SIK2: variants seen among roughly 807,000 people sequenced by gnomAD.
SIK2 encodes serine/threonine-protein kinase SIK2.
SIK2 carries 29 observed loss-of-function variants against 103.2 expected under a neutral mutation model. That is an observed-to-expected ratio of 0.28 (90% CI 0.21 to 0.38). The LOEUF is 0.38. Ranked by LOEUF, SIK2 falls within the 10% of genes least tolerant of loss-of-function variation. The pLI, the probability that SIK2 is intolerant of heterozygous loss-of-function variation, is 1.00. For missense variants in SIK2, 879 were observed against 1,171.0 expected, an observed-to-expected ratio of 0.75 and a Z score of 3.64; for synonymous variants, 412 against 446.1, an observed-to-expected ratio of 0.92 and a Z score of 0.96.
At chr11:111,711,338 G>T (rs1041517393) in intron 8 of SIK2, among the ~76,000 whole-genome samples, 1 of 152,068 alleles carries the variant, frequency 6.6e-6, no homozygotes, top group South Asian at 2.1e-4. Flanking sequence ...AGCCAGGATG[G>T]TCTCGATCTC....
At chr11:111,608,649 T>C (rs1468948692) in intron 1 of SIK2, among the ~76,000 whole-genome samples, 3 of 152,242 alleles carry the variant, frequency 2.0e-5, no homozygotes, top group Non-Finnish European at 4.4e-5. Context: ...TTAAATAGTA[T>C]TTGTGCATTT....
At position 111,700,561 on chromosome 11, in the gene SIK2, C is replaced by G. The variant is rs192540116; in HGVS notation, c.479-325C>G. ...TAGCAGTCATCAGGTAATTGAAATT[C>G]TAAGATTATCAAATACTAGTTGGGT... On this transcript the variant is annotated intron_variant, in intron 4 of 14. Transcript: ENST00000304987. Among the ~76,000 whole-genome samples, 13 of 152,302 alleles carry G rather than the reference C, an allele frequency of 8.5e-5. No homozygotes were observed. In the East Asian group the frequency reaches 1.9e-3, roughly 23 times the overall value.
intron 4 of SIK2, among the ~76,000 whole-genome samples, chr11:111,699,493 C>T (rs1240855272): frequency 6.6e-6 from 1 of 152,132 alleles, no homozygotes; most frequent in African/African-American, 2.4e-5. Context: ...TGGATTATCA[C>T]TACATTTATA....
chr11:111,645,773 CCATTGCGCCCTAG>C (rs1234189272), intron 3 of SIK2, among the ~76,000 whole-genome samples: 1 of 151,648 alleles, frequency 6.6e-6, no homozygotes, highest in Non-Finnish European at 1.5e-5. Flanking sequence ...CGAGATGATG[CCATTGCGCCCTAG>C]CCTGGGCAAC....
intron 3 of SIK2, among the ~76,000 whole-genome samples, chr11:111,662,111 G>A (rs182128154): frequency 2.0e-5 from 3 of 152,258 alleles, no homozygotes; most frequent in African/African-American, 4.8e-5. Context: ...CTTGAGCAGA[G>A]GAATGACATT....
intron 3 of SIK2, among the ~76,000 whole-genome samples, chr11:111,668,908 G>C (rs1942585696): frequency 6.6e-6 from 1 of 152,170 alleles, no homozygotes; most frequent in African/African-American, 2.4e-5. Flanking sequence ...TTGATGGATT[G>C]GATGTGGAGA....
At chr11:111,692,343 T>G (rs1189959423) in intron 4 of SIK2, among the ~76,000 whole-genome samples, 4 of 70,354 alleles carry the variant, frequency 5.7e-5, no homozygotes, top group African/African-American at 2.3e-4. Flanking sequence ...AGAGCGAGAC[T>G]CAGTCTCAAA....
chr11:111,622,325 AGCTCACTGCAAGCTCC>A (rs1941899755), intron 3 of SIK2, among the ~76,000 whole-genome samples: 1 of 126,376 alleles, frequency 7.9e-6, no homozygotes, highest in South Asian at 2.4e-4. Flanking sequence ...GCACGATCTC[AGCTCACTGCAAGCTCC>A]GCCTCCCAGG....
intron 1 of SIK2, among the ~76,000 whole-genome samples, chr11:111,612,593 A>G (rs765103542): frequency 6.6e-6 from 1 of 152,168 alleles, no homozygotes; most frequent in Non-Finnish European, 1.5e-5. Flanking sequence ...GCCCTGGCCC[A>G]TAAAATCACC....
chr11:111,610,261 G>A (rs907109787), intron 1 of SIK2, among the ~76,000 whole-genome samples: 4 of 152,200 alleles, frequency 2.6e-5, no homozygotes, highest in Admixed American at 2.0e-4. Flanking sequence ...GGGCCGAGGC[G>A]GGTGGATTGC....
chr11:111,708,587 G>A (rs1004917055), intron 8 of SIK2, among the ~76,000 whole-genome samples: 2 of 151,592 alleles, frequency 1.3e-5, no homozygotes, highest in Non-Finnish European at 2.9e-5. Flanking sequence ...TGGGGTTTTG[G>A]GGGAGGTTTT....
intron 3 of SIK2, among the ~76,000 whole-genome samples, chr11:111,655,153 G>C (rs1284741536): frequency 6.6e-6 from 1 of 152,210 alleles, no homozygotes; most frequent in African/African-American, 2.4e-5. Flanking sequence ...TGTGATCCCA[G>C]CACTTTGGGA....
At position 111,687,942 on chromosome 11, in the gene SIK2, A is replaced by G. The variant is rs923919148; in HGVS notation, c.317-59A>G. The G allele has an allele frequency of 1.9e-6, 3 of 1,584,674 alleles. No homozygotes were observed. In the African/African-American group the frequency reaches 4.1e-5, roughly 22 times the overall value. ...TTTTGAGGAAAAAAATTTCCTGACTACTAATAGTGGAGTTATTTTATTTTG... is the reference window on the plus strand; with the variant it reads ...TTTTGAGGAAAAAAATTTCCTGACTGCTAATAGTGGAGTTATTTTATTTTG... On this transcript the variant is annotated intron_variant, in intron 3 of 14. Coordinates refer to ENST00000304987, the MANE Select transcript of SIK2 (RefSeq NM_015191.3).
intron 3 of SIK2, among the ~76,000 whole-genome samples, chr11:111,675,762 A>G (rs902342470): frequency 2.6e-5 from 4 of 152,052 alleles, no homozygotes; most frequent in Non-Finnish European, 5.9e-5. Flanking sequence ...TCCAATTTTT[A>G]TGTTAGGTTC....
intron 12 of SIK2, among the ~76,000 whole-genome samples, chr11:111,721,481 C>A (rs746645148): frequency 7.2e-5 from 11 of 152,200 alleles, no homozygotes; most frequent in Non-Finnish European, 1.5e-4. Flanking sequence ...ATTATTCATA[C>A]TAAAAATACA....
intron 3 of SIK2, among the ~76,000 whole-genome samples, chr11:111,669,622 GT>G (rs1431308969): frequency 3.5e-5 from 4 of 113,746 alleles, no homozygotes; most frequent in African/African-American, 1.4e-4. Flanking sequence ...AGAAAGAAAA[GT>G]TTTCCCACAC....
intron 1 of SIK2, among the ~76,000 whole-genome samples, chr11:111,611,118 GCA>G (rs779695114): frequency 1.2e-4 from 18 of 150,712 alleles, no homozygotes; most frequent in Middle Eastern, 3.4e-3. Context: ...GTGTGTGTGT[GCA>G]CACCTGTAGT....
chr11:111,629,086 T>C (rs1347487783), intron 3 of SIK2, among the ~76,000 whole-genome samples: 1 of 152,164 alleles, frequency 6.6e-6, no homozygotes, highest in African/African-American at 2.4e-5. Flanking sequence ...CTTTAATTGT[T>C]TAGATGTGAG....
Position 111,726,364 on chromosome 11 carries a change from G to T in SIK2, c.*2235G>T, listed in dbSNP as rs1943966539. On this transcript the variant is annotated 3_prime_UTR_variant, in exon 15 of 15. Coordinates refer to ENST00000304987, the MANE Select transcript of SIK2 (RefSeq NM_015191.3). ...CCAGCCGATGAGGGACTGCAGAGAG[G>T]CTACTGGAAGGTTAAGGACCCAGAG... 6.6e-6 allele frequency: 1 copy of T among 152,536 alleles called. No homozygotes were observed. Among genetic ancestry groups the T allele is most frequent in the African/African-American group, 2.4e-5 (1 of 41,428 alleles). 9.4% of individuals were successfully genotyped at this position (152,536 alleles called of 1,614,324 possible).
Sources: gnomAD v4.1 joint callset for allele counts (sites outside exome capture counted in the v4.1 genomes callset) on GRCh38, gnomAD v4.1.1 for gene constraint, MANE v1.5 for transcripts, NCBI Gene and HGNC (gene_info 2026-07-23, HGNC 2026-07-21) for gene names.